Variants in IQGAP3 observed in about 807,000 individuals in gnomAD.
IQGAP3 encodes the protein ras GTPase-activating-like protein IQGAP3.
IQGAP3 carries 165 observed loss-of-function variants against 208.2 expected under a neutral mutation model. That is an observed-to-expected ratio of 0.79 (90% CI 0.70 to 0.90). The LOEUF is 0.90. Ranked by LOEUF, IQGAP3 falls within the 40% of genes least tolerant of loss-of-function variation. The pLI, the probability that IQGAP3 is intolerant of heterozygous loss-of-function variation, is 0.00. For synonymous variants in IQGAP3, 703 were observed against 803.6 expected, an observed-to-expected ratio of 0.87 and a Z score of 2.12; for missense variants, 1,811 against 2,043.1, an observed-to-expected ratio of 0.89 and a Z score of 2.19.
Position 156,526,312 on chromosome 1 carries a change from T to A in IQGAP3, c.*174A>T. 1 of 605,764 alleles carries A rather than the reference T, an allele frequency of 1.7e-6. No homozygotes were observed. Among genetic ancestry groups the A allele is most frequent in the Non-Finnish European group, 3.0e-6 (1 of 338,166 alleles). The allele number at this position is 605,764 out of a possible 1,614,324, so 37.5% of individuals were successfully genotyped here. A position where few individuals can be genotyped will look rare whatever the true frequency, so the allele number is the denominator to read the frequency against. On this transcript the variant is annotated 3_prime_UTR_variant, in exon 38 of 38. Transcript: ENST00000361170. ...AGGCCCACTTTAGCCAATTAGAAGATACACTGTCTGTGGCCAGGCAGGCAA... is the reference window on the plus strand; with the variant it reads ...AGGCCCACTTTAGCCAATTAGAAGAAACACTGTCTGTGGCCAGGCAGGCAA...
Position 156,554,389 on chromosome 1 carries a change from G to A in IQGAP3, c.1294C>T (p.Leu432Phe), listed in dbSNP as rs1261918181. ...LAVLQQQQGE[L>F]GQEELFVAVE... Reference sequence around the variant, plus strand: ...GCCACGAAGAGCTCCTCCTGGCCAAGCTCCTACAATGGGTGGGAGGGCCAA... The same window carrying A: ...GCCACGAAGAGCTCCTCCTGGCCAAACTCCTACAATGGGTGGGAGGGCCAA... The change falls in exon 13 of 38, where the codon CTT (leucine) becomes TTT (phenylalanine). Residue 432 changes from leucine (L) to phenylalanine (F), a missense_variant. Coordinates refer to ENST00000361170, the MANE Select transcript of IQGAP3 (RefSeq NM_178229.5). 1 of 1,603,774 alleles carries A rather than the reference G, an allele frequency of 6.2e-7. No individual in the cohort carries two copies. The highest frequency in any genetic ancestry group is 2.2e-5 in the East Asian group (1 of 44,766).
At position 156,531,228 on chromosome 1, in the gene IQGAP3, C is replaced by T. The variant is rs750264298; in HGVS notation, c.4123G>A (p.Asp1375Asn). 2.4e-5 allele frequency: 39 copies of T among 1,613,530 alleles called. No individual in the cohort carries two copies. Among genetic ancestry groups the T allele is most frequent in the Non-Finnish European group, 3.0e-5 (35 of 1,179,738 alleles). The change falls in exon 33 of 38, where the codon GAT (aspartate) becomes AAT (asparagine). Residue 1375 changes from aspartate to asparagine, a missense_variant. Coordinates refer to ENST00000361170, the MANE Select transcript of IQGAP3 (RefSeq NM_178229.5). ...LLLSTKQLLA[D>N]IIQFHPGDTL... ...TCCCCAGGATGGAACTGTATGATAT[C>T]GGCCAACAGCTGCTTGGTGCTGCAC...
Position 156,548,116 on chromosome 1 carries a change from G to T in IQGAP3, c.2261C>A (p.Ser754Tyr), listed in dbSNP as rs772017439. ...TGGGAGCCAGGTCCTCAGAAAGTGG[G>T]AATGCTCAGCAAACTTCTGCCGAAC... ...FLVRQKFAEH[S>Y]HFLRTWLPAV... Residue 754 changes from serine to tyrosine, a missense_variant, in exon 19 of 38, where the codon TCC (serine) becomes TAC (tyrosine). Ser to Tyr is a moderately radical substitution (Grantham distance 144). Transcript: ENST00000361170. 6.2e-7 allele frequency: 1 copy of T among 1,613,846 alleles called. No homozygotes were observed. The highest frequency in any genetic ancestry group is 8.5e-7 in the Non-Finnish European group (1 of 1,179,844).
At chr1:156,553,095 A>C (rs1331383206) in intron 13 of IQGAP3, among the ~76,000 whole-genome samples, 2 of 151,868 alleles carry the variant, frequency 1.3e-5, no homozygotes, top group Non-Finnish European at 2.9e-5. Context: ...ACTGCACTCC[A>C]GCCTGGGTGA....
chr1:156,555,668 T>G (rs1675791290), intron 12 of IQGAP3, among the ~76,000 whole-genome samples: 2 of 152,208 alleles, frequency 1.3e-5, no homozygotes, highest in South Asian at 4.1e-4. Flanking sequence ...TTTAATCCTA[T>G]AGCCTGAGGT....
chr1:156,525,975 C>A lies in IQGAP3; in HGVS notation c.*511G>T. ...ACACTGCATCCCCCCAGTCCCTGCC[C>A]AGGTTGGAGGGTGTGCAGATCACAG... On this transcript the variant is annotated 3_prime_UTR_variant, in exon 38 of 38. Coordinates refer to ENST00000361170, the MANE Select transcript of IQGAP3 (RefSeq NM_178229.5). The A allele has an allele frequency of 6.2e-6, 1 of 160,264 alleles. No homozygotes were observed. Among genetic ancestry groups the A allele is most frequent in the Admixed American group, 5.8e-5 (1 of 17,102 alleles). 9.9% of individuals were successfully genotyped at this position (160,264 alleles called of 1,614,324 possible).
chr1:156,549,487 A>G (rs1278497673), intron 16 of IQGAP3, among the ~76,000 whole-genome samples: 56 of 147,744 alleles, frequency 3.8e-4, no homozygotes, highest in African/African-American at 1.4e-3. Flanking sequence ...AAAAAAAAAA[A>G]GAAAAAAAAA....
rs1399772581 is a variant in IQGAP3, at chr1:156,530,104, C to T, written c.4404+1G>A. 3.8e-6 allele frequency: 6 copies of T among 1,593,640 alleles called. No homozygotes were observed. The highest frequency in any genetic ancestry group is 5.1e-6 in the Non-Finnish European group (6 of 1,169,620). On this transcript the variant is annotated splice_donor_variant, in intron 34 of 37. Transcript: ENST00000361170. LOFTEE classifies it high-confidence loss of function. ...CACGGAGCCCAGGCCCAGGTTGTTA[C>T]CTTGGCCAGCTCGTCCACTAGCCCC... is the stretch of plus-strand genomic sequence containing the variant.
chr1:156,530,537 C>G (rs572752171), intron 33 of IQGAP3, among the ~76,000 whole-genome samples: 9 of 152,216 alleles, frequency 5.9e-5, no homozygotes, highest in Non-Finnish European at 1.2e-4. Flanking sequence ...TGGTGTCACA[C>G]ATGGGAGGGC....
intron 9 of IQGAP3, 65 bp downstream of exon 9, chr1:156,562,522 A>G: frequency 7.6e-7 from 1 of 1,307,326 alleles, no homozygotes; most frequent in Admixed American, 1.7e-5. Context: ...GCTATCCCCA[A>G]ACCTCCCAGT....
Position 156,563,138 on chromosome 1 carries a change from T to C in IQGAP3, c.794A>G (p.Asn265Ser), listed in dbSNP as rs748505883. The change falls in exon 8 of 38, where the codon AAC (asparagine) becomes AGC (serine). Residue 265 changes from asparagine (N) to serine (S), a missense_variant. Coordinates refer to ENST00000361170, the MANE Select transcript of IQGAP3 (RefSeq NM_178229.5). ...CAACCCAAGACTACTCCTTACATGG[T>C]TCCTGGCATTGGCTGCCTTCTCCAT... ...AKMEKAANAR[N>S]HDDRESQDIY... 1.3e-6 allele frequency: 2 copies of C among 1,597,018 alleles called. No homozygotes were observed. The highest frequency in any genetic ancestry group is 1.7e-6 in the Non-Finnish European group (2 of 1,168,556).
chr1:156,557,628 C>T (rs1370066587), intron 11 of IQGAP3, among the ~76,000 whole-genome samples: 16 of 32,478 alleles, frequency 4.9e-4, no homozygotes, highest in East Asian at 5.5e-3. Flanking sequence ...GTCAGCCCCC[C>T]GCCCGGCCAG....
chr1:156,563,540 G>A lies in IQGAP3; in HGVS notation c.619+13C>T, dbSNP rs1479158401. 7 of 1,603,550 alleles carry A rather than the reference G, an allele frequency of 4.4e-6. No individual in the cohort carries two copies. The highest frequency in any genetic ancestry group is 6.0e-6 in the Non-Finnish European group (7 of 1,171,918). On this transcript the variant is annotated intron_variant, in intron 7 of 37. Coordinates refer to ENST00000361170, the MANE Select transcript of IQGAP3 (RefSeq NM_178229.5). ...TTGAGCCTACTCCTGGCAGGGCAGA[G>A]CCTAGTCCTTACCTGCAGCCTCATC...
In IQGAP3 at chr1:156,548,112, G is replaced by A. The variant is rs139482694; in HGVS notation, c.2265C>T (p.His755=). The change falls in exon 19 of 38, where the codon CAC becomes CAT. Residue 755 remains histidine (H), a synonymous_variant. Coordinates refer to ENST00000361170, the MANE Select transcript of IQGAP3 (RefSeq NM_178229.5). ...CTGCTGGGAGCCAGGTCCTCAGAAA[G>A]TGGGAATGCTCAGCAAACTTCTGCC... is the stretch of plus-strand genomic sequence containing the variant. ...LVRQKFAEHS[H]FLRTWLPAVI... is the part of the protein sequence containing the mutation. The A allele has an allele frequency of 1.6e-3, 2,555 of 1,613,868 alleles. 8 individuals are homozygous for A. The highest frequency in any genetic ancestry group is 3.8e-3 in the Middle Eastern group (23 of 6,062).
intron 19 of IQGAP3, among the ~76,000 whole-genome samples, chr1:156,545,723 TC>T: frequency 6.6e-6 from 1 of 152,074 alleles, no homozygotes; most frequent in East Asian, 1.9e-4. Context: ...AGTCTTGAAC[TC>T]CTCGGCTCAA....
chr1:156,553,480 T>C (rs114887974), intron 13 of IQGAP3, among the ~76,000 whole-genome samples: 2,827 of 152,342 alleles, frequency 0.019, 96 homozygotes, highest in African/African-American at 0.066. Flanking sequence ...ATCTACATTA[T>C]GTAAAACAGA....
At chr1:156,532,246 A>T (rs1674443746) in intron 32 of IQGAP3, among the ~76,000 whole-genome samples, 1 of 151,978 alleles carries the variant, frequency 6.6e-6, no homozygotes. Context: ...AATTGGCCGG[A>T]CATGATGGCG....
intron 2 of IQGAP3, 115 bp from the exon 3 acceptor site, chr1:156,566,661 C>G: frequency 1.1e-6 from 1 of 949,466 alleles, no homozygotes; most frequent in South Asian, 1.6e-5. Context: ...TCCTCTGCTT[C>G]CTGTTCCTGC....
At chr1:156,535,593 C>G (rs1182696184) in intron 27 of IQGAP3, among the ~76,000 whole-genome samples, 1 of 152,224 alleles carries the variant, frequency 6.6e-6, no homozygotes, top group Non-Finnish European at 1.5e-5. Flanking sequence ...CCCCATCCCC[C>G]AGAGGCACCA....
Sources: allele counts gnomAD v4.1 joint callset (sites outside exome capture counted in the v4.1 genomes callset), GRCh38; gene constraint gnomAD v4.1.1; transcripts MANE v1.5; gene names NCBI Gene and HGNC (gene_info 2026-07-23, HGNC 2026-07-21).